The following GPC3 variants were observed in gnomAD, a reference collection of about 807,000 sequenced individuals.
The protein encoded by GPC3 is glypican 3.
A neutral mutation model predicts 34.4 loss-of-function variants in GPC3; 3 were observed. The ratio of observed to expected loss-of-function variants is 0.09; its 90% CI spans 0.04 to 0.23. The LOEUF is 0.23. Ranked by LOEUF, GPC3 falls within the 10% of genes least tolerant of loss-of-function variation. The pLI is 1.00. For synonymous variants in GPC3, 177 were observed against 174.0 expected (o/e 1.02, Z -0.13); for missense variants, 351 against 445.6 (o/e 0.79, Z 1.91).
intron 6 of GPC3, among the ~76,000 whole-genome samples, chrX:133,611,992 G>T (rs1205608192): frequency 8.9e-6 from 1 of 112,319 alleles, no homozygotes; most frequent in Non-Finnish European, 1.9e-5. Context: ...CAGAGACAGA[G>T]TGCACAACAA....
chrX:133,944,713 T>C (rs2124630143), intron 2 of GPC3, among the ~76,000 whole-genome samples: 1 of 112,528 alleles, frequency 8.9e-6, no homozygotes, highest in Non-Finnish European at 1.9e-5. Context: ...GCCAGATATG[T>C]GACATTCATT....
In GPC3 at chrX:133,896,227, G is replaced by A. The variant is rs762541915; in HGVS notation, c.337+56823C>T. Among the ~76,000 whole-genome samples the A allele has an allele frequency of 1.7e-3, 184 of 111,459 alleles. 2 individuals carry two copies. Among genetic ancestry groups the A allele is most frequent in the Non-Finnish European group, 2.1e-3 (114 of 53,063 alleles). ...ATAGAAAAAATTAGCCAGGCATGGC[G>A]GCACACGCCTGTAATCCCAGCTACT... On this transcript the variant is annotated intron_variant, in intron 2 of 7. Coordinates refer to ENST00000370818, the MANE Select transcript of GPC3 (RefSeq NM_004484.4).
intron 1 of GPC3, among the ~76,000 whole-genome samples, chrX:133,953,413 T>C (rs975655181): frequency 3.6e-5 from 4 of 111,231 alleles, no homozygotes; most frequent in Non-Finnish European, 7.5e-5. Flanking sequence ...CCAATTGTCC[T>C]TATGGCTGAC....
intron 7 of GPC3, among the ~76,000 whole-genome samples, chrX:133,572,536 A>G (rs898162881): frequency 1.8e-5 from 2 of 111,702 alleles, no homozygotes; most frequent in African/African-American, 6.5e-5. Flanking sequence ...GTTATTTGAA[A>G]AGATCTACAA....
intron 2 of GPC3, among the ~76,000 whole-genome samples, chrX:133,849,483 ATAATAT>A (rs2075862865): frequency 9.0e-6 from 1 of 111,704 alleles, no homozygotes; most frequent in Non-Finnish European, 1.9e-5. Context: ...ATAATTCACC[ATAATAT>A]CAGTATTCAG....
chrX:133,586,255 T>A (rs1264008330), intron 7 of GPC3, among the ~76,000 whole-genome samples: 1 of 111,812 alleles, frequency 8.9e-6, no homozygotes, highest in Non-Finnish European at 1.9e-5. Flanking sequence ...TTTCTTGGTA[T>A]ACCTACTCAA....
chrX:133,632,192 T>C (rs986171354), intron 6 of GPC3, among the ~76,000 whole-genome samples: 10 of 111,762 alleles, frequency 8.9e-5, no homozygotes, highest in Admixed American at 6.7e-4. Context: ...CTCTGACTCC[T>C]GGGTTCAACT....
At chrX:133,966,034 G>A (rs930011332) in intron 1 of GPC3, among the ~76,000 whole-genome samples, 5 of 111,591 alleles carry the variant, frequency 4.5e-5, no homozygotes, top group African/African-American at 1.6e-4. Context: ...TATTAATAGA[G>A]GCCGAATACT....
chrX:133,558,759 C>T (rs1328721647), intron 7 of GPC3, among the ~76,000 whole-genome samples: 2 of 108,816 alleles, frequency 1.8e-5, no homozygotes, highest in Non-Finnish European at 3.8e-5. Flanking sequence ...GGCATGGTAG[C>T]AGGGCCTGCA....
intron 2 of GPC3, among the ~76,000 whole-genome samples, chrX:133,850,825 C>T (rs950050984): frequency 1.8e-5 from 2 of 111,006 alleles, no homozygotes; most frequent in South Asian, 3.8e-4. Context: ...TTTCTGGTGG[C>T]TCATGCCTGT....
chrX:133,979,509 T>C (rs1182857659), intron 1 of GPC3, among the ~76,000 whole-genome samples: 1 of 112,012 alleles, frequency 8.9e-6, no homozygotes, highest in African/African-American at 3.2e-5. Flanking sequence ...CAGAACTAAA[T>C]CTTCTTTACT....
chrX:133,825,246 A>C (rs1429621727), intron 2 of GPC3, among the ~76,000 whole-genome samples: 1 of 112,028 alleles, frequency 8.9e-6, no homozygotes, highest in African/African-American at 3.2e-5. Flanking sequence ...AATCTTTGTA[A>C]GAATAGTGAA....
chrX:133,889,114 A>G (rs1171451441), intron 2 of GPC3, among the ~76,000 whole-genome samples: 1 of 112,281 alleles, frequency 8.9e-6, no homozygotes, highest in African/African-American at 3.2e-5. Context: ...CTGATAATCA[A>G]TGCTTAATGA....
At chrX:133,819,035 C>T (rs1010423793) in intron 2 of GPC3, among the ~76,000 whole-genome samples, 2 of 107,022 alleles carry the variant, frequency 1.9e-5, no homozygotes, top group African/African-American at 3.4e-5. Flanking sequence ...GGTACATGTG[C>T]GCAATGTGCA....
intron 5 of GPC3, among the ~76,000 whole-genome samples, chrX:133,672,930 G>A (rs1430127087): frequency 1.2e-4 from 13 of 105,401 alleles, no homozygotes; most frequent in Non-Finnish European, 2.3e-4. Context: ...GATTATAGGC[G>A]TGAGCCACTG....
intron 7 of GPC3, among the ~76,000 whole-genome samples, chrX:133,580,463 T>C (rs2069722727): frequency 8.9e-6 from 1 of 111,793 alleles, no homozygotes; most frequent in South Asian, 3.7e-4. Context: ...TATCATTCCA[T>C]ATGAAGTGGT....
intron 2 of GPC3, among the ~76,000 whole-genome samples, chrX:133,766,476 G>C (rs1472656047): frequency 9.0e-6 from 1 of 111,553 alleles, no homozygotes; most frequent in African/African-American, 3.3e-5. Context: ...TTTTGTTCTG[G>C]GACTCTTTTA....
At chrX:133,624,298 T>C (rs1463186927) in intron 6 of GPC3, among the ~76,000 whole-genome samples, 2 of 110,798 alleles carry the variant, frequency 1.8e-5, no homozygotes, top group East Asian at 5.7e-4. Context: ...AGGCAAGAAA[T>C]AACTAAGATC....
rs774127330 is a variant in GPC3, at chrX:133,555,832, A to T, written c.1574-19539T>A. Among the ~76,000 whole-genome samples the T allele has an allele frequency of 8.5e-3, 928 of 109,584 alleles. 1 individual carries two copies. Among genetic ancestry groups the T allele is most frequent in the Middle Eastern group, 0.061 (13 of 213 alleles). On this transcript the variant is annotated intron_variant, in intron 7 of 7. Transcript: ENST00000370818. ...GACAAGGCGAGACTCCATCTCAAAA[A>T]AAAAAATAAAAAAAAAAAGCCACTG...
Sources: gnomAD v4.1 joint callset for allele counts (sites outside exome capture counted in the v4.1 genomes callset) on GRCh38, gnomAD v4.1.1 for gene constraint, MANE v1.5 for transcripts, NCBI Gene and HGNC (gene_info 2026-07-23, HGNC 2026-07-21) for gene names.